Variants in ZFAT observed in about 807,000 individuals in gnomAD.
The protein encoded by ZFAT is zinc finger and AT-hook domain containing.
Under a neutral mutation model 117.7 loss-of-function variants are expected in ZFAT, and 64 were observed. The observed-to-expected ratio is 0.54, with a 90% CI of 0.44 to 0.67. The LOEUF (loss-of-function observed/expected upper bound fraction) is 0.67, where lower values mean the gene tolerates loss of function less well. Among genes scored for constraint, ZFAT ranks in the 30% least tolerant of loss-of-function variants. The pLI is 0.00. For synonymous variants in ZFAT, 679 were observed against 615.0 expected (o/e 1.10, Z -1.54); for missense variants, 1,433 against 1,584.5 (o/e 0.90, Z 1.62).
the ZFAT span, among the ~76,000 whole-genome samples, chr8:134,731,642 T>C: frequency 6.6e-6 from 1 of 152,392 alleles, no homozygotes; most frequent in Middle Eastern, 3.4e-3. Context: ...TGCACAGCTA[T>C]GGTATGTGTA....
At chr8:134,709,265 T>C (rs1009688334) in intron 1 of ZFAT, among the ~76,000 whole-genome samples, 2 of 152,206 alleles carry the variant, frequency 1.3e-5, no homozygotes, top group Non-Finnish European at 2.9e-5. Context: ...GATGACAATG[T>C]ACTGAGCTGT....
the ZFAT span, among the ~76,000 whole-genome samples, chr8:134,752,837 G>A: frequency 6.6e-6 from 1 of 152,124 alleles, no homozygotes; most frequent in African/African-American, 2.4e-5. Flanking sequence ...TAAGGGCCCC[G>A]CCCTCAGGAC....
the ZFAT span, among the ~76,000 whole-genome samples, chr8:134,756,204 TC>T: frequency 6.6e-6 from 1 of 152,028 alleles, no homozygotes; most frequent in Admixed American, 6.6e-5. Flanking sequence ...GACCTCAACA[TC>T]CCCCCTGCAC....
intron 2 of ZFAT, among the ~76,000 whole-genome samples, chr8:134,645,396 A>G (rs958512358): frequency 2.0e-5 from 3 of 152,224 alleles, no homozygotes; most frequent in African/African-American, 7.2e-5. Flanking sequence ...AAGACTTTTT[A>G]AAATTTTTTG....
chr8:134,695,216 C>T (rs1353038503), intron 1 of ZFAT, among the ~76,000 whole-genome samples: 1 of 152,182 alleles, frequency 6.6e-6, no homozygotes, highest in African/African-American at 2.4e-5. Flanking sequence ...GGCACCCCGG[C>T]CAGGAAGGCC....
the ZFAT span, among the ~76,000 whole-genome samples, chr8:134,790,097 CTAAAG>C: frequency 2.4e-4 from 36 of 152,224 alleles, no homozygotes; most frequent in African/African-American, 7.0e-4. Context: ...TAGTGACCTG[CTAAAG>C]TAATTTTTTA....
the ZFAT span, among the ~76,000 whole-genome samples, chr8:134,772,715 C>T: frequency 3.3e-5 from 5 of 152,134 alleles, no homozygotes; most frequent in African/African-American, 1.2e-4. Flanking sequence ...TCTCTTGGAA[C>T]AGGATGCTAT....
At chr8:134,488,133 G>C (rs1045083737) in intron 15 of ZFAT, among the ~76,000 whole-genome samples, 1 of 152,226 alleles carries the variant, frequency 6.6e-6, no homozygotes, top group Non-Finnish European at 1.5e-5. Context: ...GAAGAGTGGA[G>C]GTCTGACTTC....
At chr8:134,693,323 G>GC (rs1185202734) in intron 1 of ZFAT, among the ~76,000 whole-genome samples, 3 of 152,114 alleles carry the variant, frequency 2.0e-5, no homozygotes, top group African/African-American at 7.2e-5. Flanking sequence ...GAATACAAAG[G>GC]CCCACTTTAA....
At chr8:134,784,492 TTC>T in the ZFAT span, 10 of 152,178 alleles carry the variant, frequency 6.6e-5, no homozygotes. Flanking sequence ...ATTTCAGTCT[TTC>T]TTAGTAAGAA....
At chr8:134,574,113 C>A (rs1420276450) in intron 10 of ZFAT, among the ~76,000 whole-genome samples, 2 of 152,206 alleles carry the variant, frequency 1.3e-5, no homozygotes, top group Non-Finnish European at 2.9e-5. Context: ...TTCCCGTTGA[C>A]TCTCCACGTT....
intron 15 of ZFAT, among the ~76,000 whole-genome samples, chr8:134,485,387 T>C (rs1281732942): frequency 3.3e-5 from 5 of 152,246 alleles, no homozygotes; most frequent in African/African-American, 1.2e-4. Context: ...CAGTCTTTTT[T>C]CATTCCTCTC....
At chr8:134,544,710 T>TA (rs1327060528) in intron 11 of ZFAT, among the ~76,000 whole-genome samples, 2 of 151,886 alleles carry the variant, frequency 1.3e-5, no homozygotes, top group Admixed American at 1.3e-4. Flanking sequence ...TCCAAACAGC[T>TA]AAAAAACATA....
chr8:134,624,116 C>A (rs1437365703), intron 3 of ZFAT, among the ~76,000 whole-genome samples: 1 of 151,626 alleles, frequency 6.6e-6, no homozygotes, highest in African/African-American at 2.4e-5. Context: ...CATGAATGAC[C>A]CACAGGAGGG....
At chr8:134,710,780 C>A (rs566115641) in intron 1 of ZFAT, among the ~76,000 whole-genome samples, 17 of 152,282 alleles carry the variant, frequency 1.1e-4, no homozygotes, top group African/African-American at 3.9e-4. Context: ...GTACAATGAA[C>A]CATCAGAAAG....
intron 12 of ZFAT, among the ~76,000 whole-genome samples, chr8:134,526,298 G>A (rs75543051): frequency 0.029 from 4,472 of 152,192 alleles, 102 homozygotes; most frequent in Non-Finnish European, 0.042. Flanking sequence ...TTTAATTAAA[G>A]AACAACAAAT....
intron 13 of ZFAT, among the ~76,000 whole-genome samples, chr8:134,518,586 T>C (rs1226977826): frequency 1.3e-5 from 2 of 152,116 alleles, no homozygotes; most frequent in Non-Finnish European, 2.9e-5. Flanking sequence ...TGAACCTTTC[T>C]TATCTCTTGT....
intron 1 of ZFAT, among the ~76,000 whole-genome samples, chr8:134,663,059 C>A (rs1832014472): frequency 6.6e-6 from 1 of 152,228 alleles, no homozygotes; most frequent in Non-Finnish European, 1.5e-5. Context: ...GGCAAAGGGG[C>A]CAAGAGCGCC....
At chr8:134,509,358 T>C (rs1384475019) in intron 15 of ZFAT, among the ~76,000 whole-genome samples, 1 of 152,184 alleles carries the variant, frequency 6.6e-6, no homozygotes, top group Non-Finnish European at 1.5e-5. Context: ...TCTGGGACTC[T>C]TTGAAAGAAA....
Sources: gnomAD v4.1 joint callset for allele counts (sites outside exome capture counted in the v4.1 genomes callset) on GRCh38, gnomAD v4.1.1 for gene constraint, MANE v1.5 for transcripts, NCBI Gene and HGNC (gene_info 2026-07-23, HGNC 2026-07-21) for gene names.